VPS41: variants seen among roughly 807,000 people sequenced by gnomAD.
The protein encoded by VPS41 is VPS41 subunit of HOPS complex.
In VPS41, 85 loss-of-function variants were observed where a neutral mutation model predicts 130.9. That is an observed-to-expected ratio of 0.65 (90% CI 0.55 to 0.78). The LOEUF (loss-of-function observed/expected upper bound fraction) is 0.78. Among genes scored for constraint, VPS41 ranks in the 30% least tolerant of loss-of-function variants. The probability of loss-of-function intolerance (pLI) is 0.00; values close to 1 mark genes in which losing one functional copy is unlikely to be tolerated. For synonymous variants in VPS41, 335 were observed against 332.9 expected, an observed-to-expected ratio of 1.01 and a Z score of -0.07; for missense variants, 874 against 1,018.7, an observed-to-expected ratio of 0.86 and a Z score of 1.93.
In VPS41 at chr7:38,796,802, T is replaced by G. The variant is rs1173563696; in HGVS notation, c.513A>C (p.Glu171Asp). 1.2e-6 allele frequency: 2 copies of G among 1,614,042 alleles called. No homozygotes were observed. Among genetic ancestry groups the G allele is most frequent in the Admixed American group, 1.7e-5 (1 of 60,016 alleles). Residue 171 changes from glutamate to aspartate, a missense_variant, in exon 8 of 29, where the codon GAA becomes GAC. By Grantham distance (45) the Glu-to-Asp change is conservative (BLOSUM62 2). Coordinates refer to ENST00000310301, the MANE Select transcript of VPS41 (RefSeq NM_014396.4). ...TCCACTTCACACTCCTTATGTTCCC[T>G]TCCCCTTCATGCAGAACAGCAGACT... Reference protein sequence around the residue: ...RWKSAVLHEGEGNIRSVKWRG... With the variant: ...RWKSAVLHEGDGNIRSVKWRG...
chr7:38,860,542 C>T (rs985929337), intron 4 of VPS41, among the ~76,000 whole-genome samples: 1 of 152,146 alleles, frequency 6.6e-6, no homozygotes, highest in African/African-American at 2.4e-5. Flanking sequence ...ACATTTGGGT[C>T]TGGCTTCTTT....
intron 7 of VPS41, among the ~76,000 whole-genome samples, chr7:38,812,202 A>G (rs1279828523): frequency 1.3e-5 from 2 of 152,098 alleles, no homozygotes; most frequent in Non-Finnish European, 2.9e-5. Context: ...TGGCATAAAG[A>G]TAGCTATATA....
At chr7:38,768,440 T>C (rs895533163) in intron 14 of VPS41, among the ~76,000 whole-genome samples, 1 of 152,042 alleles carries the variant, frequency 6.6e-6, no homozygotes, top group African/African-American at 2.4e-5. Flanking sequence ...CTTCTCTGCA[T>C]GTTTGGTATG....
At chr7:38,841,650 C>G (rs1165719941) in intron 4 of VPS41, among the ~76,000 whole-genome samples, 1 of 152,210 alleles carries the variant, frequency 6.6e-6, no homozygotes, top group Non-Finnish European at 1.5e-5. Flanking sequence ...GTTGCCCAGG[C>G]TGGAGTGCAA....
At chr7:38,855,901 T>C (rs1785971799) in intron 4 of VPS41, among the ~76,000 whole-genome samples, 1 of 152,220 alleles carries the variant, frequency 6.6e-6, no homozygotes, top group Non-Finnish European at 1.5e-5. Flanking sequence ...CAGCTTGAAC[T>C]GCCATAACAA....
rs73123610 is a variant in VPS41, at chr7:38,837,008, A to T, written c.247-6680T>A. 2.0e-5 allele frequency among the ~76,000 whole-genome samples: 3 copies of T among 152,232 alleles called. No homozygotes were observed. In the East Asian group the frequency reaches 5.8e-4, roughly 29 times the overall value. On this transcript the variant is annotated intron_variant, in intron 4 of 28. Coordinates refer to ENST00000310301, the MANE Select transcript of VPS41 (RefSeq NM_014396.4). The stretch of plus-strand genomic sequence containing the variant: ...AAGTTTCTTTTGTAAGATACTAAGA[A>T]ATAGAAATTATCTAAATTTCTAAAA...
chr7:38,750,168 G>A (rs1052395035), intron 22 of VPS41, among the ~76,000 whole-genome samples: 1 of 152,170 alleles, frequency 6.6e-6, no homozygotes, highest in Admixed American at 6.5e-5. Context: ...CACCCAACCA[G>A]AACTTACTTT....
At position 38,843,680 on chromosome 7, in the gene VPS41, TCAAAAAAAAAAA is replaced by T. The variant is rs1259728238; in HGVS notation, c.247-13364_247-13353del. Among the ~76,000 whole-genome samples, 9 of 142,610 alleles carry T rather than the reference TCAAAAAAAAAAA, an allele frequency of 6.3e-5. No individual in the cohort carries two copies. The South Asian group carries it at 6.6e-4, about 10-fold the overall frequency. 93.6% of individuals were successfully genotyped at this position (142,610 alleles called of 152,430 possible). Reference sequence around the variant, plus strand: ...CTGGGTGAAAGAGTGAGACTCCGTCTCAAAAAAAAAAACAAAAAAAAAAACTGAATGACTATA... The same window carrying T: ...CTGGGTGAAAGAGTGAGACTCCGTCTCAAAAAAAAAAACTGAATGACTATA... On this transcript the variant is annotated intron_variant, in intron 4 of 28. Transcript: ENST00000310301.
In VPS41 at chr7:38,723,550, C is replaced by G. The variant is rs1250244112; in HGVS notation, c.*2696G>C. ...ACCAGCTTGGGCAACATGGTGAAAC[C>G]TCATCTCTACCAAAGTACAAAAAAT... On this transcript the variant is annotated 3_prime_UTR_variant, in exon 29 of 29. Transcript: ENST00000310301. The G allele has an allele frequency of 2.7e-5, 4 of 150,848 alleles. No homozygotes were observed. The highest frequency in any genetic ancestry group is 9.7e-5 in the African/African-American group (4 of 41,240). The allele number at this position is 150,848 out of a possible 1,614,324, so 9.3% of individuals were successfully genotyped here. A position where few individuals can be genotyped will look rare whatever the true frequency, so the allele number is the denominator to read the frequency against.
At position 38,862,555 on chromosome 7, in the gene VPS41, T is replaced by A; in HGVS notation, c.236A>T (p.Lys79Met). The A allele has an allele frequency of 1.9e-6, 3 of 1,601,836 alleles. No homozygotes were observed. The highest frequency in any genetic ancestry group is 2.6e-6 in the Non-Finnish European group (3 of 1,171,462). Residue 79 changes from lysine to methionine, a missense_variant, in exon 4 of 29, where the codon AAG becomes ATG. Coordinates refer to ENST00000310301, the MANE Select transcript of VPS41 (RefSeq NM_014396.4). ...LLDVQGNITQ[K>M]FDVSPVKINQ... The stretch of plus-strand genomic sequence containing the variant: ...ATACAGAATACTTACTACATCAAAC[T>A]TCTGAGTGATGTTCCCCTGGACATC...
At chr7:38,781,182 CA>C (rs1784348792) in intron 10 of VPS41, among the ~76,000 whole-genome samples, 1 of 152,162 alleles carries the variant, frequency 6.6e-6, no homozygotes. Flanking sequence ...TTTAATAATA[CA>C]TAACATACCT....
At position 38,758,630 on chromosome 7, in the gene VPS41, T is replaced by C. The variant is rs374130211; in HGVS notation, c.1423-149A>G. On this transcript the variant is annotated intron_variant, in intron 17 of 28. Transcript: ENST00000310301. ...CTCTAAAATGATGTGTCTTCTTGTA[T>C]GCTAATGAGCTGACTGGTGGCTAGC... 3.8e-5 allele frequency: 31 copies of C among 823,846 alleles called. No homozygotes were observed. In the African/African-American group the frequency reaches 4.1e-4, roughly 11 times the overall value. 51.0% of individuals were successfully genotyped at this position (823,846 alleles called of 1,614,324 possible).
chr7:38,795,769 C>T (rs1333318551), intron 8 of VPS41, among the ~76,000 whole-genome samples, 158 bp from the exon 9 acceptor site: 1 of 152,148 alleles, frequency 6.6e-6, no homozygotes, highest in Non-Finnish European at 1.5e-5. Flanking sequence ...CACACAAACC[C>T]TGTGGGAACT....
At chr7:38,897,967 T>C (rs986702519) in intron 2 of VPS41, 124 bp downstream of exon 2, 2 of 723,908 alleles carry the variant, frequency 2.8e-6, no homozygotes, top group Non-Finnish European at 4.7e-6. Context: ...CCCCAAGGCT[T>C]AGTTACCTAT....
intron 4 of VPS41, among the ~76,000 whole-genome samples, chr7:38,855,215 A>C (rs1288687413): frequency 2.0e-5 from 3 of 151,166 alleles, no homozygotes; most frequent in African/African-American, 7.3e-5. Context: ...TCTCAAAAAA[A>C]AAAAAAAAAA....
intron 2 of VPS41, among the ~76,000 whole-genome samples, chr7:38,883,895 G>A (rs1387265601): frequency 1.3e-5 from 2 of 152,172 alleles, no homozygotes; most frequent in African/African-American, 4.8e-5. Context: ...ATGCCTGAAT[G>A]ATGCAATAAT....
At chr7:38,885,230 T>C (rs1291093703) in intron 2 of VPS41, among the ~76,000 whole-genome samples, 1 of 152,172 alleles carries the variant, frequency 6.6e-6, no homozygotes, top group African/African-American at 2.4e-5. Context: ...CATGCCACTA[T>C]GCCCGGCTGA....
At chr7:38,837,220 A>C (rs2116205815) in intron 4 of VPS41, among the ~76,000 whole-genome samples, 1 of 152,268 alleles carries the variant, frequency 6.6e-6, no homozygotes, top group Middle Eastern at 3.4e-3. Context: ...TGCCATACCC[A>C]ATCGTATTAG....
chr7:38,873,176 TA>T, intron 2 of VPS41, among the ~76,000 whole-genome samples: 1 of 152,140 alleles, frequency 6.6e-6, no homozygotes, highest in Non-Finnish European at 1.5e-5. Context: ...TCAAAAACCA[TA>T]AATAAAATGA....
Sources: gnomAD v4.1 joint callset for allele counts (sites outside exome capture counted in the v4.1 genomes callset) on GRCh38, gnomAD v4.1.1 for gene constraint, MANE v1.5 for transcripts, NCBI Gene and HGNC (gene_info 2026-07-23, HGNC 2026-07-21) for gene names.